Variants in NOS1 observed in about 807,000 individuals in gnomAD.
NOS1 encodes the protein NOS type I.
NOS1 carries 51 observed loss-of-function variants against 164.5 expected under a neutral mutation model. The ratio of observed to expected loss-of-function variants is 0.31; its 90% CI spans 0.25 to 0.39. The LOEUF is 0.39. Ranked by LOEUF, NOS1 falls within the 10% of genes least tolerant of loss-of-function variation. NOS1 has a pLI of 1.00. For synonymous variants in NOS1, 719 were observed against 745.8 expected (o/e 0.96, Z 0.59); for missense variants, 1,362 against 1,885.6 (o/e 0.72, Z 5.14).
chr12:117,340,403 G>T (rs1374998202), intron 1 of NOS1, among the ~76,000 whole-genome samples: 2 of 152,154 alleles, frequency 1.3e-5, no homozygotes, highest in African/African-American at 4.8e-5. Context: ...CTTTGTGATC[G>T]TGGGCAAGTT....
intron 26 of NOS1, among the ~76,000 whole-genome samples, chr12:117,222,319 G>A (rs528558448): frequency 6.6e-6 from 1 of 152,248 alleles, no homozygotes; most frequent in Non-Finnish European, 1.5e-5. Context: ...GCAGTGGCGC[G>A]ATCTCAGCTC....
In NOS1 at chr12:117,213,735, A is replaced by G; in HGVS notation, c.*1574T>C. 2.0e-6 allele frequency: 2 copies of G among 985,474 alleles called. No individual in the cohort carries two copies. Among genetic ancestry groups the G allele is most frequent in the African/African-American group, 1.7e-5 (1 of 57,372 alleles). The allele number at this position is 985,474 out of a possible 1,614,324, so 61.0% of individuals were successfully genotyped here. Reference sequence around the variant, plus strand: ...AAGACACAACAAACAGGGTAGAACCAGCAGAACATTCCCTTTCCATCCTTG... The same window carrying G: ...AAGACACAACAAACAGGGTAGAACCGGCAGAACATTCCCTTTCCATCCTTG... On this transcript the variant is annotated 3_prime_UTR_variant, in exon 29 of 29. Transcript: ENST00000317775.
chr12:117,238,346 C>T (rs145301190), intron 20 of NOS1, among the ~76,000 whole-genome samples: 7 of 152,210 alleles, frequency 4.6e-5, no homozygotes, highest in Admixed American at 3.3e-4. Flanking sequence ...CAGTTTTTCG[C>T]GCCCTATGCA....
intron 16 of NOS1, among the ~76,000 whole-genome samples, chr12:117,257,742 C>T (rs1424669868): frequency 6.7e-6 from 1 of 150,268 alleles, no homozygotes; most frequent in Non-Finnish European, 1.5e-5. Flanking sequence ...TGCCTGACTG[C>T]CTTGCACTGA....
At chr12:117,305,319 C>T (rs1874078993) in intron 3 of NOS1, among the ~76,000 whole-genome samples, 2 of 152,216 alleles carry the variant, frequency 1.3e-5, no homozygotes, top group East Asian at 1.9e-4. Flanking sequence ...AAAAAATTAG[C>T]CGGACGTGGT....
chr12:117,273,904 G>A (rs554303682), intron 9 of NOS1, among the ~76,000 whole-genome samples: 21 of 152,084 alleles, frequency 1.4e-4, no homozygotes, highest in Non-Finnish European at 2.6e-4. Flanking sequence ...AAATTGGTCT[G>A]GGAAAAGATT....
intron 5 of NOS1, 104 bp from the exon 6 acceptor site, chr12:117,286,370 C>T: frequency 7.9e-7 from 1 of 1,271,278 alleles, no homozygotes; most frequent in Non-Finnish European, 1.1e-6. Context: ...CAAAAAATTC[C>T]AAGTTGATTT....
At position 117,210,000 on chromosome 12, in the gene NOS1, T is replaced by G; in HGVS notation, c.*5309A>C. 1 of 980,962 alleles carries G rather than the reference T, an allele frequency of 1.0e-6. No individual in the cohort carries two copies. The highest frequency in any genetic ancestry group is 1.2e-6 in the Non-Finnish European group (1 of 825,966). The allele number at this position is 980,962 out of a possible 1,614,324, so 60.8% of individuals were successfully genotyped here. On this transcript the variant is annotated 3_prime_UTR_variant, in exon 29 of 29. Transcript: ENST00000317775. ...ATTTTAATTTTTTTTAGAGACAGGG[T>G]CTTGCTCTGTCACTCAGGCTGGAGT...
chr12:117,259,087 T>G lies in NOS1; in HGVS notation c.2411A>C (p.Glu804Ala), dbSNP rs760530493. 6.2e-7 allele frequency: 1 copy of G among 1,614,150 alleles called. No homozygotes were observed. The highest frequency in any genetic ancestry group is 1.7e-5 in the Admixed American group (1 of 60,026). Residue 804 changes from glutamate to alanine, a missense_variant, in exon 15 of 29, where the codon GAA (glutamate) becomes GCA (alanine). By Grantham distance (107) the Glu-to-Ala change is moderately radical. Around this residue, in one of 4 missense-constraint regions of NOS1, gnomAD observed 737 missense variants for 1,030.3 expected, o/e 0.72. Coordinates refer to ENST00000317775, the MANE Select transcript of NOS1 (RefSeq NM_000620.5). ...EEYDIVHLEHETLVLVVTSTF... is the reference protein window; with the variant it reads ...EEYDIVHLEHATLVLVVTSTF... ...GCTGGTGACCACAAGGACCAGAGTT[T>G]CATGTTCCAGGTGCACAATGTCATA...
intron 1 of NOS1, among the ~76,000 whole-genome samples, chr12:117,339,003 C>T (rs188927323): frequency 9.8e-5 from 15 of 152,286 alleles, no homozygotes; most frequent in African/African-American, 3.6e-4. Flanking sequence ...AGACTGAAAG[C>T]GTAAACCCAA....
chr12:117,280,137 G>A (rs1873515902), intron 8 of NOS1, among the ~76,000 whole-genome samples: 1 of 152,178 alleles, frequency 6.6e-6, no homozygotes, highest in Admixed American at 6.5e-5. Flanking sequence ...ACTACCACCT[G>A]GAAGGAACTC....
intron 12 of NOS1, among the ~76,000 whole-genome samples, chr12:117,265,050 T>TC (rs1312629649): frequency 6.6e-6 from 1 of 151,798 alleles, no homozygotes; most frequent in African/African-American, 2.4e-5. Flanking sequence ...CTCACTATAT[T>TC]CCCCAGGGTG....
rs1397261102 is a variant in NOS1 at position 117,315,514 on chromosome 12, T to G, written c.726-3922A>C. On this transcript the variant is annotated intron_variant, in intron 2 of 28. Transcript: ENST00000317775. ...GAGAAACATCCAGGTTGAACTATTT[T>G]GCTTCCCTTCACCCAGAAGCAAAAT... Among the ~76,000 whole-genome samples the G allele has an allele frequency of 2.0e-5, 3 of 152,246 alleles. No individual in the cohort carries two copies. In the East Asian group the frequency reaches 5.8e-4, roughly 29 times the overall value.
intron 1 of NOS1, among the ~76,000 whole-genome samples, chr12:117,345,115 T>G (rs1340511376): frequency 6.9e-6 from 1 of 145,506 alleles, no homozygotes; most frequent in East Asian, 2.2e-4. Flanking sequence ...CACTGCAACC[T>G]CCGCCTCCTG....
At chr12:117,265,261 A>T in intron 12 of NOS1, 55 bp downstream of exon 12, 1 of 1,440,620 alleles carries the variant, frequency 6.9e-7, no homozygotes, top group South Asian at 1.6e-5. Context: ...TAAATGTGAC[A>T]CACACACCAG....
intron 14 of NOS1, among the ~76,000 whole-genome samples, chr12:117,259,784 T>G (rs1415390840): frequency 6.6e-6 from 1 of 152,160 alleles, no homozygotes; most frequent in Non-Finnish European, 1.5e-5. Flanking sequence ...GAACACATGC[T>G]TATAGATTAC....
intron 2 of NOS1, 72 bp from the exon 3 acceptor site, chr12:117,311,664 T>A (rs1874441265): frequency 6.5e-7 from 1 of 1,537,282 alleles, no homozygotes; most frequent in South Asian, 1.3e-5. Context: ...GACCTGGAAG[T>A]CCTGAGTCTG....
chr12:117,268,166 G>A (rs372916621), intron 10 of NOS1, 22 bp from the exon 11 acceptor site: 37 of 1,503,038 alleles, frequency 2.5e-5, no homozygotes, highest in Non-Finnish European at 3.2e-5. Flanking sequence ...AGGAAACACA[G>A]ATATACAGGC....
Position 117,210,141 on chromosome 12 carries a change from T to A in NOS1, c.*5168A>T, listed in dbSNP as rs1956504854. 2 of 131,952 alleles carry A rather than the reference T, an allele frequency of 1.5e-5. No homozygotes were observed. The highest frequency in any genetic ancestry group is 1.8e-5 in the Non-Finnish European group (2 of 108,362). The allele number at this position is 131,952 out of a possible 1,614,324, so 8.2% of individuals were successfully genotyped here. ...GAGCATGCCATCATGCCCAGCTAAT[T>A]TTTTTTTTTTTTTTTTTTTAGTAGA... On this transcript the variant is annotated 3_prime_UTR_variant, in exon 29 of 29. Transcript: ENST00000317775.
Sources: allele counts gnomAD v4.1 joint callset (sites outside exome capture counted in the v4.1 genomes callset), GRCh38; gene constraint gnomAD v4.1.1; regional missense constraint gnomAD v4.1.1; transcripts MANE v1.5; gene names NCBI Gene and HGNC (gene_info 2026-07-23, HGNC 2026-07-21).